Variants in FCHSD2 observed in about 807,000 individuals in gnomAD.
The protein encoded by FCHSD2 is F-BAR and double SH3 domains protein 2.
In FCHSD2, 38 loss-of-function variants were observed where a neutral mutation model predicts 108.1. The ratio of observed to expected loss-of-function variants is 0.35; its 90% CI spans 0.27 to 0.46. FCHSD2 has a LOEUF of 0.46. Among genes scored for constraint, FCHSD2 ranks in the 20% least tolerant of loss-of-function variants. The probability of loss-of-function intolerance (pLI) is 1.00; values close to 1 mark genes in which losing one functional copy is unlikely to be tolerated. For synonymous variants in FCHSD2, 279 were observed against 314.7 expected, an observed-to-expected ratio of 0.89 and a Z score of 1.20; for missense variants, 751 against 897.8, an observed-to-expected ratio of 0.84 and a Z score of 2.09.
chr11:73,003,816 G>A (rs2135420670), intron 4 of FCHSD2, among the ~76,000 whole-genome samples: 1 of 151,714 alleles, frequency 6.6e-6, no homozygotes, highest in South Asian at 2.1e-4. Context: ...TGAAGGATAA[G>A]AAAAGTATCA....
chr11:73,142,003 A>G lies in FCHSD2; in HGVS notation c.-126T>C, dbSNP rs1429687853. 1 of 936,910 alleles carries G rather than the reference A, an allele frequency of 1.1e-6. No homozygotes were observed. Among genetic ancestry groups the G allele is most frequent in the Non-Finnish European group, 1.6e-6 (1 of 627,886 alleles). 58.0% of individuals were successfully genotyped at this position (936,910 alleles called of 1,614,324 possible). On this transcript the variant is annotated 5_prime_UTR_variant, in exon 1 of 20. Transcript: ENST00000409418. The stretch of plus-strand genomic sequence containing the variant: ...TGTGTGAAAGGAGCGCTTAAGAAGC[A>G]AGACTTGCCCCGGAGGGAGCAGGCC...
At chr11:72,896,787 A>AAAAAAAAAAG in intron 10 of FCHSD2, among the ~76,000 whole-genome samples, 1 of 150,288 alleles carries the variant, frequency 6.7e-6, no homozygotes, top group Admixed American at 6.6e-5. Context: ...AAAAAAAAAA[A>AAAAAAAAAAG]AAAGAAAGAA....
At chr11:73,074,166 T>C (rs912536945) in intron 3 of FCHSD2, among the ~76,000 whole-genome samples, 2 of 152,200 alleles carry the variant, frequency 1.3e-5, no homozygotes, top group African/African-American at 4.8e-5. Flanking sequence ...AGTTAACTAA[T>C]GTGCCACAAA....
intron 8 of FCHSD2, among the ~76,000 whole-genome samples, chr11:72,956,891 G>A (rs1279509087): frequency 6.6e-6 from 1 of 151,750 alleles, no homozygotes; most frequent in Non-Finnish European, 1.5e-5. Context: ...ATATCACCAG[G>A]GGTGAGACAG....
chr11:72,872,606 T>C (rs1007746883), intron 12 of FCHSD2, among the ~76,000 whole-genome samples: 19 of 152,248 alleles, frequency 1.2e-4, no homozygotes, highest in African/African-American at 4.6e-4. Flanking sequence ...TTCATCTATG[T>C]TGTAACATGT....
intron 2 of FCHSD2, among the ~76,000 whole-genome samples, chr11:73,134,227 T>C (rs1223433678): frequency 6.6e-6 from 1 of 151,980 alleles, no homozygotes; most frequent in Admixed American, 6.6e-5. Flanking sequence ...CCCCAACACT[T>C]TGGGAGGTCA....
chr11:72,900,096 G>A (rs775220831), intron 10 of FCHSD2, among the ~76,000 whole-genome samples: 36 of 152,058 alleles, frequency 2.4e-4, no homozygotes, highest in Non-Finnish European at 4.0e-4. Flanking sequence ...CTATAAACAG[G>A]GAAGGAAATT....
At chr11:72,963,493 A>AAAC (rs1394013826) in intron 8 of FCHSD2, among the ~76,000 whole-genome samples, 2 of 152,218 alleles carry the variant, frequency 1.3e-5, no homozygotes, top group Non-Finnish European at 2.9e-5. Flanking sequence ...TTGCTCAAAA[A>AAAC]AACTTCTCTT....
intron 4 of FCHSD2, among the ~76,000 whole-genome samples, chr11:73,007,115 C>A (rs1372425013): frequency 6.6e-6 from 1 of 152,136 alleles, no homozygotes; most frequent in East Asian, 1.9e-4. Flanking sequence ...AAAGGACTAA[C>A]CTTTTAAACT....
intron 9 of FCHSD2, among the ~76,000 whole-genome samples, chr11:72,910,736 G>A (rs911182292): frequency 1.3e-5 from 2 of 150,476 alleles, no homozygotes; most frequent in East Asian, 1.9e-4. Context: ...CTTTGTTCAC[G>A]TGTTTATCTG....
At chr11:73,058,903 C>T (rs1451408678) in intron 3 of FCHSD2, among the ~76,000 whole-genome samples, 3 of 152,048 alleles carry the variant, frequency 2.0e-5, no homozygotes, top group Admixed American at 2.0e-4. Context: ...TCTTTTACAT[C>T]TTTTTTGGAT....
At chr11:73,005,251 A>C (rs1362676922) in intron 4 of FCHSD2, among the ~76,000 whole-genome samples, 1 of 152,138 alleles carries the variant, frequency 6.6e-6, no homozygotes, top group East Asian at 1.9e-4. Context: ...ATTGTCTAAA[A>C]TTACTGTTTC....
chr11:72,929,790 T>C (rs964805501), intron 8 of FCHSD2, among the ~76,000 whole-genome samples: 30 of 152,328 alleles, frequency 2.0e-4, no homozygotes, highest in African/African-American at 7.0e-4. Flanking sequence ...CATCACAGTA[T>C]TTAAAACACT....
intron 2 of FCHSD2, among the ~76,000 whole-genome samples, chr11:73,113,225 C>T (rs962017545): frequency 6.6e-6 from 1 of 151,852 alleles, no homozygotes; most frequent in Non-Finnish European, 1.5e-5. Context: ...TGTGTTATCT[C>T]GAATTTCTTA....
chr11:72,868,686 G>T (rs1267316737), intron 12 of FCHSD2, among the ~76,000 whole-genome samples: 1 of 147,642 alleles, frequency 6.8e-6, no homozygotes, highest in Non-Finnish European at 1.5e-5. Flanking sequence ...GCAAGACTCT[G>T]TTAAAAACAA....
chr11:73,011,290 T>TA (rs1355815342), intron 4 of FCHSD2, among the ~76,000 whole-genome samples: 2 of 152,094 alleles, frequency 1.3e-5, no homozygotes, highest in Non-Finnish European at 2.9e-5. Flanking sequence ...TGGGAGGCAG[T>TA]AGTGGCTGCA....
chr11:72,869,690 T>C (rs2073061334), intron 12 of FCHSD2: 1 of 152,140 alleles, frequency 6.6e-6, no homozygotes, highest in African/African-American at 2.4e-5. Context: ...TGATGATAGA[T>C]CAAATATAAC....
At chr11:73,043,980 A>G (rs375050705) in intron 3 of FCHSD2, among the ~76,000 whole-genome samples, 1 of 152,358 alleles carries the variant, frequency 6.6e-6, no homozygotes, top group African/African-American at 2.4e-5. Context: ...ACAAACTATT[A>G]GGTGAGTGAG....
At chr11:73,053,599 G>A (rs755447671) in intron 3 of FCHSD2, among the ~76,000 whole-genome samples, 3 of 152,074 alleles carry the variant, frequency 2.0e-5, no homozygotes, top group African/African-American at 4.8e-5. Flanking sequence ...TAGTACTGTC[G>A]TCAATCCAAC....
Sources: gnomAD v4.1 joint callset for allele counts (sites outside exome capture counted in the v4.1 genomes callset) on GRCh38, gnomAD v4.1.1 for gene constraint, MANE v1.5 for transcripts, NCBI Gene and HGNC (gene_info 2026-07-23, HGNC 2026-07-21) for gene names.